MTRF1: variants seen among roughly 807,000 people sequenced by gnomAD.
MTRF1 encodes mitochondrial translation release factor 1, also known as peptide chain release factor 1, mitochondrial.
In MTRF1, 51 loss-of-function variants were observed where a neutral mutation model predicts 62.9. That is an observed-to-expected ratio of 0.81 (90% CI 0.65 to 1.02). The LOEUF (loss-of-function observed/expected upper bound fraction) is 1.02. MTRF1 is among the 50% of genes least tolerant of loss of function. The pLI, the probability that MTRF1 is intolerant of heterozygous loss-of-function variation, is 0.00. For synonymous variants in MTRF1, 158 were observed against 181.9 expected, an observed-to-expected ratio of 0.87 and a Z score of 1.06; for missense variants, 446 against 530.0, an observed-to-expected ratio of 0.84 and a Z score of 1.56.
the MTRF1 span, among the ~76,000 whole-genome samples, chr13:41,298,362 G>A: frequency 0.07 from 22 of 316 alleles, no homozygotes; most frequent in East Asian, 0.083. Flanking sequence ...GTTAAGGAGA[G>A]CATCATTTTG....
At chr13:41,288,573 G>C in the MTRF1 span, among the ~76,000 whole-genome samples, 1 of 152,218 alleles carries the variant, frequency 6.6e-6, no homozygotes, top group Admixed American at 6.5e-5. Context: ...CCAGCACTTA[G>C]AAGCTTCTAT....
intron 9 of MTRF1, among the ~76,000 whole-genome samples, chr13:41,221,361 G>A (rs759169513): frequency 5.3e-5 from 8 of 151,754 alleles, no homozygotes; most frequent in Admixed American, 3.3e-4. Flanking sequence ...GGGTTTCACC[G>A]TGTTAGCCAG....
chr13:41,293,447 C>T, the MTRF1 span, among the ~76,000 whole-genome samples: 1 of 152,138 alleles, frequency 6.6e-6, no homozygotes, highest in Non-Finnish European at 1.5e-5. Flanking sequence ...ATATCTTTCT[C>T]TGCTAGATAT....
At chr13:41,237,492 A>AG (rs2036843552) in intron 6 of MTRF1, among the ~76,000 whole-genome samples, 1 of 152,120 alleles carries the variant, frequency 6.6e-6, no homozygotes, top group Non-Finnish European at 1.5e-5. Flanking sequence ...CATAGTGCTC[A>AG]CACTATGCAT....
the MTRF1 span, among the ~76,000 whole-genome samples, chr13:41,275,223 CA>C: frequency 6.7e-6 from 1 of 150,358 alleles, no homozygotes; most frequent in African/African-American, 2.4e-5. Flanking sequence ...TTTTTTTAAA[CA>C]GAGTCTCGCT....
chr13:41,226,262 T>G (rs2026468), intron 8 of MTRF1, among the ~76,000 whole-genome samples, 170 bp downstream of exon 8: 75,788 of 152,054 alleles, frequency 0.5, 20,349 homozygotes, highest in South Asian at 0.62. Flanking sequence ...TGCCCAAGTT[T>G]AGCCATAACC....
At chr13:41,257,169 G>A (rs1003968510) in intron 2 of MTRF1, among the ~76,000 whole-genome samples, 35 of 152,218 alleles carry the variant, frequency 2.3e-4, no homozygotes, top group African/African-American at 8.2e-4. Flanking sequence ...TTGGAAGGCA[G>A]AATATGCAAA....
the MTRF1 span, among the ~76,000 whole-genome samples, chr13:41,299,311 T>C: frequency 5.9e-4 from 90 of 152,336 alleles, 1 homozygote; most frequent in South Asian, 8.7e-3. Context: ...TTGCAGAGAA[T>C]TGGCTTTATC....
At chr13:41,285,528 C>T in the MTRF1 span, among the ~76,000 whole-genome samples, 12,491 of 152,200 alleles carry the variant, frequency 0.082, 717 homozygotes, top group East Asian at 0.23. Context: ...ATGCTACAGA[C>T]GAGTTCCTTC....
At chr13:41,243,245 AT>A (rs1280716708) in intron 5 of MTRF1, among the ~76,000 whole-genome samples, 4 of 151,586 alleles carry the variant, frequency 2.6e-5, no homozygotes, top group African/African-American at 9.7e-5. Flanking sequence ...ATTAAAAAAA[AT>A]AAAAATAAAA....
In MTRF1 at chr13:41,260,532, T is replaced by C. The variant is rs554920317; in HGVS notation, c.376A>G (p.Thr126Ala). ...TCTAATTCTTCAATTGCTTGTTCAG[T>C]CTCCTGAATTTCTTGGTAAATGGCT... is the stretch of plus-strand genomic sequence containing the variant. ...LAAIYQEIQE[T>A]EQAIEELESM... The change falls in exon 2 of 10, where the codon ACT becomes GCT. Residue 126 changes from threonine (T) to alanine (A), a missense_variant. Physicochemically the swap from Thr to Ala is moderately conservative, Grantham distance 58. Coordinates refer to ENST00000379480, the MANE Select transcript of MTRF1 (RefSeq NM_004294.4). 2.5e-6 allele frequency: 4 copies of C among 1,613,922 alleles called. No individual in the cohort carries two copies. In the African/African-American group the frequency reaches 4.0e-5, roughly 16 times the overall value.
chr13:41,252,903 T>G, intron 4 of MTRF1, 46 bp downstream of exon 4: 1 of 1,467,422 alleles, frequency 6.8e-7, no homozygotes, highest in Non-Finnish European at 9.4e-7. Context: ...AAGGTAAAAT[T>G]CAAGGACTTT....
chr13:41,291,018 C>T, the MTRF1 span, among the ~76,000 whole-genome samples: 13 of 150,978 alleles, frequency 8.6e-5, no homozygotes, highest in Admixed American at 3.3e-4. Context: ...ATTGTTTGAA[C>T]GTGGGAGGCG....
intron 6 of MTRF1, among the ~76,000 whole-genome samples, chr13:41,237,260 G>C (rs1217980546): frequency 1.4e-5 from 2 of 146,014 alleles, no homozygotes; most frequent in East Asian, 2.0e-4. Flanking sequence ...ATAAAAACAG[G>C]GTAAGTGGGA....
intron 8 of MTRF1, among the ~76,000 whole-genome samples, chr13:41,225,733 A>G (rs1474772900): frequency 6.7e-6 from 1 of 149,962 alleles, no homozygotes; most frequent in Non-Finnish European, 1.5e-5. Flanking sequence ...CGCTTGAACC[A>G]GGGAGGTAGA....
At chr13:41,283,876 C>A in the MTRF1 span, among the ~76,000 whole-genome samples, 1 of 152,098 alleles carries the variant, frequency 6.6e-6, no homozygotes, top group Non-Finnish European at 1.5e-5. Context: ...CGCGCCCGGC[C>A]TCTGACAATC....
chr13:41,252,779 G>A, intron 4 of MTRF1, 27 bp from the exon 5 acceptor site: 1 of 1,600,298 alleles, frequency 6.2e-7, no homozygotes, highest in East Asian at 2.2e-5. Flanking sequence ...AAAATATTTA[G>A]TCAGGACAAA....
the MTRF1 span, among the ~76,000 whole-genome samples, chr13:41,307,902 A>G: frequency 1.3e-5 from 2 of 152,210 alleles, no homozygotes; most frequent in South Asian, 4.1e-4. Context: ...ATTAAATATG[A>G]GTATTTATAA....
At chr13:41,239,130 T>C (rs2037132929) in intron 6 of MTRF1, among the ~76,000 whole-genome samples, 1 of 151,622 alleles carries the variant, frequency 6.6e-6, no homozygotes, top group Non-Finnish European at 1.5e-5. Context: ...TACCCAGGTA[T>C]AGTGGCATGC....
Sources: allele counts gnomAD v4.1 joint callset (sites outside exome capture counted in the v4.1 genomes callset), GRCh38; gene constraint gnomAD v4.1.1; transcripts MANE v1.5; gene names NCBI Gene and HGNC (gene_info 2026-07-23, HGNC 2026-07-21).